Variants in ZNF33A observed in about 807,000 individuals in gnomAD.
ZNF33A encodes the protein brain my041 protein.
ZNF33A carries 9 observed loss-of-function variants against 15.9 expected under a neutral mutation model. The observed-to-expected ratio is 0.57, with a 90% CI of 0.34 to 0.99. The LOEUF (loss-of-function observed/expected upper bound fraction) is 0.99, where lower values mean the gene tolerates loss of function less well. Ranked by LOEUF, ZNF33A falls within the 50% of genes least tolerant of loss-of-function variation. The pLI is 0.02. For missense variants in ZNF33A, 843 were observed against 941.6 expected, an observed-to-expected ratio of 0.90 and a Z score of 1.37; for synonymous variants, 294 against 324.2, an observed-to-expected ratio of 0.91 and a Z score of 1.00.
chr10:38,056,495 C>T lies in ZNF33A; in HGVS notation c.2371C>T (p.Leu791Phe). 1.2e-6 allele frequency: 2 copies of T among 1,611,688 alleles called. No homozygotes were observed. Among genetic ancestry groups the T allele is most frequent in the Non-Finnish European group, 1.7e-6 (2 of 1,178,822 alleles). The stretch of plus-strand genomic sequence containing the variant: ...TAGAAATTTCCAGCCACAAGTCAGC[C>T]TCCATAATGCCTCAGAGTATTCACA... The part of the protein sequence containing the change: ...DIRNFQPQVS[L>F]HNASEYSHCG... The change falls in exon 5 of 5, where the codon CTC (leucine) becomes TTC (phenylalanine). Residue 791 changes from leucine to phenylalanine, a missense_variant. Transcript: ENST00000432900.
intron 4 of ZNF33A, among the ~76,000 whole-genome samples, chr10:38,043,265 C>T (rs967115053): frequency 6.7e-6 from 1 of 148,862 alleles, no homozygotes; most frequent in African/African-American, 2.5e-5. Context: ...CCAAACACAG[C>T]ATGTTCTCAC....
chr10:38,010,791 C>T lies in ZNF33A; in HGVS notation c.-45+8C>T. The T allele has an allele frequency of 6.3e-7, 1 of 1,598,402 alleles. No homozygotes were observed. Among genetic ancestry groups the T allele is most frequent in the Non-Finnish European group, 8.5e-7 (1 of 1,179,792 alleles). ...ACCCGACGAGGGAGTGGGGTAAGCC[C>T]CAGTGGGTTGGGCAGGGAGAGAGAG... On this transcript the variant is annotated splice_region_variant and intron_variant, in intron 1 of 4. Coordinates refer to ENST00000432900, the MANE Select transcript of ZNF33A (RefSeq NM_006954.2).
intron 4 of ZNF33A, chr10:38,039,532 TGG>T: frequency 2.2e-6 from 1 of 456,092 alleles, no homozygotes; most frequent in South Asian, 1.6e-5. Flanking sequence ...CCACCTGTAA[TGG>T]GGAGTTTTAA....
chr10:38,048,278 G>A (rs1295064465), intron 4 of ZNF33A, among the ~76,000 whole-genome samples: 1 of 152,050 alleles, frequency 6.6e-6, no homozygotes, highest in Admixed American at 6.6e-5. Flanking sequence ...AAAGTATATT[G>A]TCTTTATACA....
At chr10:38,041,345 T>C (rs1039123607) in intron 4 of ZNF33A, among the ~76,000 whole-genome samples, 1 of 151,956 alleles carries the variant, frequency 6.6e-6, no homozygotes. Flanking sequence ...TATATTTTAG[T>C]ATAACATTTT....
At chr10:38,014,510 T>C (rs376098047) in intron 2 of ZNF33A, among the ~76,000 whole-genome samples, 2 of 152,250 alleles carry the variant, frequency 1.3e-5, no homozygotes, top group East Asian at 3.8e-4. Context: ...CATTTACATC[T>C]CTTTCATTGG....
intron 2 of ZNF33A, 97 bp from the exon 3 acceptor site, chr10:38,016,774 T>G: frequency 7.1e-7 from 1 of 1,403,062 alleles, no homozygotes; most frequent in Non-Finnish European, 9.6e-7. Context: ...TCTTTTTCCC[T>G]AAAAGTATAA....
At position 38,056,252 on chromosome 10, in the gene ZNF33A, G is replaced by T. The variant is rs764374006; in HGVS notation, c.2128G>T (p.Val710Leu). ...KFFRHKSSLT[V>L]HHRAHTGEKS... ...CTTCAGGCACAAATCATCACTCACA[G>T]TACATCACAGGGCTCACACAGGAGA... The change falls in exon 5 of 5, where the codon GTA (valine) becomes TTA (leucine). Residue 710 changes from valine to leucine, a missense_variant. Val to Leu is a conservative substitution (Grantham distance 32, BLOSUM62 1). Transcript: ENST00000432900. 4 of 1,613,966 alleles carry T rather than the reference G, an allele frequency of 2.5e-6. No homozygotes were observed. The highest frequency in any genetic ancestry group is 3.4e-6 in the Non-Finnish European group (4 of 1,180,002).
intron 4 of ZNF33A, among the ~76,000 whole-genome samples, chr10:38,033,066 G>A (rs749463605): frequency 3.9e-5 from 6 of 151,956 alleles, no homozygotes; most frequent in Non-Finnish European, 7.4e-5. Flanking sequence ...TTCTTAGAAC[G>A]TTGTCATCAT....
intron 4 of ZNF33A, among the ~76,000 whole-genome samples, chr10:38,022,303 C>T (rs1008841965): frequency 2.0e-5 from 3 of 152,086 alleles, no homozygotes; most frequent in Non-Finnish European, 4.4e-5. Flanking sequence ...GGGAATATCA[C>T]TCCACCATCC....
At chr10:38,046,012 C>G (rs901055127) in intron 4 of ZNF33A, among the ~76,000 whole-genome samples, 11 of 152,136 alleles carry the variant, frequency 7.2e-5, no homozygotes, top group African/African-American at 2.7e-4. Flanking sequence ...TTCTTGGTTT[C>G]TTTTGGAATC....
intron 4 of ZNF33A, among the ~76,000 whole-genome samples, chr10:38,052,509 A>G (rs534975537): frequency 1.3e-5 from 2 of 152,300 alleles, no homozygotes; most frequent in Non-Finnish European, 2.9e-5. Context: ...CAATATTGCT[A>G]ACATGTTTTG....
intron 4 of ZNF33A, among the ~76,000 whole-genome samples, chr10:38,046,953 C>T (rs1274688595): frequency 6.6e-6 from 1 of 151,990 alleles, no homozygotes; most frequent in African/African-American, 2.4e-5. Flanking sequence ...GGAAGGATCT[C>T]CTGAGCTCAG....
At chr10:38,011,630 A>G (rs995536206) in intron 1 of ZNF33A, among the ~76,000 whole-genome samples, 5 of 152,166 alleles carry the variant, frequency 3.3e-5, no homozygotes, top group Admixed American at 2.6e-4. Context: ...TTAGAAGAAA[A>G]AGATTTTTTT....
chr10:38,039,482 C>T (rs1367625470), intron 4 of ZNF33A: 4 of 455,616 alleles, frequency 8.8e-6, no homozygotes, highest in Non-Finnish European at 1.8e-5. Flanking sequence ...CTGCCTTGGC[C>T]TCCCAAAGTG....
intron 4 of ZNF33A, among the ~76,000 whole-genome samples, chr10:38,051,326 T>A (rs928041032): frequency 1.3e-5 from 2 of 152,174 alleles, no homozygotes; most frequent in African/African-American, 2.4e-5. Flanking sequence ...TTTTTAACTT[T>A]TATTGTGCAA....
chr10:38,056,932 G>C lies in ZNF33A; in HGVS notation c.*372G>C. ...GTAAAGCTTTAAGAACTTAAACAAA[G>C]GTAATAATTAAAATAACCTCACAAG... On this transcript the variant is annotated 3_prime_UTR_variant, in exon 5 of 5. Transcript: ENST00000432900. 1 of 945,478 alleles carries C rather than the reference G, an allele frequency of 1.1e-6. No homozygotes were observed. Among genetic ancestry groups the C allele is most frequent in the South Asian group, 4.8e-5 (1 of 20,724 alleles). The allele number at this position is 945,478 out of a possible 1,614,324, so 58.6% of individuals were successfully genotyped here. A position where few individuals can be genotyped will look rare whatever the true frequency, so the allele number is the denominator to read the frequency against.
intron 1 of ZNF33A, 40 bp downstream of exon 1, chr10:38,010,823 CCG>C: frequency 2.5e-6 from 4 of 1,596,082 alleles, no homozygotes; most frequent in Non-Finnish European, 3.4e-6. Flanking sequence ...AGAGGGAGCC[CCG>C]CGCGACTCCT....
chr10:38,059,278 C>CA lies in ZNF33A; in HGVS notation c.*2719dup, dbSNP rs1376352518. 6.6e-6 allele frequency: 1 copy of CA among 152,160 alleles called. No individual in the cohort carries two copies. Among genetic ancestry groups the CA allele is most frequent in the Non-Finnish European group, 1.5e-5 (1 of 68,044 alleles). 9.4% of individuals were successfully genotyped at this position (152,160 alleles called of 1,614,324 possible). On this transcript the variant is annotated 3_prime_UTR_variant, in exon 5 of 5. Coordinates refer to ENST00000432900, the MANE Select transcript of ZNF33A (RefSeq NM_006954.2). Reference sequence around the variant, plus strand: ...ATTATCCTTGATGTTTCCAACTAGACACTTTCCTACTAAGATCAGGAACAT... The same window carrying CA: ...ATTATCCTTGATGTTTCCAACTAGACAACTTTCCTACTAAGATCAGGAACAT...
Sources: gnomAD v4.1 joint callset for allele counts (sites outside exome capture counted in the v4.1 genomes callset) on GRCh38, gnomAD v4.1.1 for gene constraint, MANE v1.5 for transcripts, NCBI Gene and HGNC (gene_info 2026-07-23, HGNC 2026-07-21) for gene names.